Variants in RBFOX1 observed in about 807,000 individuals in gnomAD.
RBFOX1 encodes RNA binding protein fox-1 homolog 1.
RBFOX1 carries 8 observed loss-of-function variants against 57.7 expected under a neutral mutation model. The observed-to-expected ratio is 0.14, with a 90% CI of 0.08 to 0.25. The LOEUF (loss-of-function observed/expected upper bound fraction) is 0.25, where lower values mean the gene tolerates loss of function less well. RBFOX1 is among the 10% of genes least tolerant of loss of function. RBFOX1 has a pLI of 1.00. For missense variants in RBFOX1, 611 were observed against 548.5 expected (o/e 1.11, Z -1.14); for synonymous variants, 326 against 222.4 (o/e 1.47, Z -4.15).
At chr16:6,877,781 G>A (rs8057662) in intron 3 of RBFOX1, among the ~76,000 whole-genome samples, 40,188 of 151,704 alleles carry the variant, frequency 0.26, 5,522 homozygotes, top group African/African-American at 0.33. Context: ...TTGCTTTAAC[G>A]CATGCAGTTA....
chr16:6,549,125 G>A (rs71392481), intron 2 of RBFOX1, among the ~76,000 whole-genome samples: 1 of 74,390 alleles, frequency 1.3e-5, no homozygotes, highest in African/African-American at 5.9e-5. Flanking sequence ...AAGGAAGAGG[G>A]GAGGAAGGAG....
At chr16:7,245,878 C>A (rs895987325) in intron 4 of RBFOX1, among the ~76,000 whole-genome samples, 1 of 152,156 alleles carries the variant, frequency 6.6e-6, no homozygotes, top group African/African-American at 2.4e-5. Flanking sequence ...CTAATTTAAT[C>A]CCTACAGTCT....
chr16:6,361,996 A>T (rs1568019149), intron 2 of RBFOX1, among the ~76,000 whole-genome samples: 1 of 152,154 alleles, frequency 6.6e-6, no homozygotes, highest in Non-Finnish European at 1.5e-5. Context: ...TGAGAAGAAA[A>T]CAAGCAAAGC....
chr16:7,043,044 C>T (rs1044660319), intron 3 of RBFOX1, among the ~76,000 whole-genome samples: 1 of 146,040 alleles, frequency 6.8e-6, no homozygotes, highest in Admixed American at 6.9e-5. Context: ...TCCTCCACCC[C>T]CCACAATCTC....
At chr16:6,536,832 C>T (rs1049324945) in intron 2 of RBFOX1, among the ~76,000 whole-genome samples, 5 of 152,070 alleles carry the variant, frequency 3.3e-5, no homozygotes, top group Middle Eastern at 3.2e-3. Flanking sequence ...ATTCCTGTGG[C>T]TTATTTTACT....
chr16:7,287,832 T>A (rs1441309826), intron 4 of RBFOX1, among the ~76,000 whole-genome samples: 1 of 152,200 alleles, frequency 6.6e-6, no homozygotes, highest in Middle Eastern at 3.2e-3. Flanking sequence ...ACCCAATAAT[T>A]ATGGATTTGC....
At chr16:7,029,288 ATATATATATACG>A (rs1423545218) in intron 3 of RBFOX1, among the ~76,000 whole-genome samples, 2 of 141,174 alleles carry the variant, frequency 1.4e-5, no homozygotes, top group African/African-American at 5.2e-5. Context: ...ATATATACAC[ATATATATATACG>A]TATATGTATA....
At chr16:6,855,688 G>C (rs976438184) in intron 3 of RBFOX1, among the ~76,000 whole-genome samples, 1 of 151,764 alleles carries the variant, frequency 6.6e-6, no homozygotes, top group Non-Finnish European at 1.5e-5. Flanking sequence ...ACTCTGGAGA[G>C]TTATCTCAGC....
rs148529387 is a variant in RBFOX1, at chr16:7,562,322, C to T, written c.271-17455C>T. 2.6e-3 allele frequency among the ~76,000 whole-genome samples: 394 copies of T among 152,176 alleles called. 3 individuals are homozygous for T. Among genetic ancestry groups the T allele is most frequent in the African/African-American group, 9.1e-3 (377 of 41,522 alleles). ...GGTGAGAATGCATTAGGGTACCTGC[C>T]GCCTGTTCCCTGTAGTTCCTCTGGC... On this transcript the variant is annotated intron_variant, in intron 5 of 15. Coordinates refer to ENST00000550418, the MANE Select transcript of RBFOX1 (RefSeq NM_018723.4).
chr16:6,818,155 T>TGAG (rs2090510362), intron 3 of RBFOX1, among the ~76,000 whole-genome samples: 1 of 152,102 alleles, frequency 6.6e-6, no homozygotes, highest in Non-Finnish European at 1.5e-5. Context: ...TCTGGTAGAG[T>TGAG]ACCAGGCATA....
chr16:5,371,621 G>A (rs926530006), intron 1 of RBFOX1, among the ~76,000 whole-genome samples: 15 of 152,302 alleles, frequency 9.8e-5, no homozygotes, highest in South Asian at 2.1e-4. Context: ...GGTGTGAGCC[G>A]GTGATGTGTA....
At chr16:6,886,940 C>T (rs1032696675) in intron 3 of RBFOX1, among the ~76,000 whole-genome samples, 1 of 151,848 alleles carries the variant, frequency 6.6e-6, no homozygotes, top group Non-Finnish European at 1.5e-5. Flanking sequence ...AAAACCGTGT[C>T]TTTGTAATCA....
At chr16:5,503,497 C>T (rs750351427) in intron 2 of RBFOX1, among the ~76,000 whole-genome samples, 7 of 152,258 alleles carry the variant, frequency 4.6e-5, no homozygotes, top group South Asian at 2.1e-4. Flanking sequence ...AGTGCAGTGG[C>T]GCATGGCGCA....
chr16:7,366,539 C>G (rs1387468605), intron 4 of RBFOX1, among the ~76,000 whole-genome samples: 1 of 152,192 alleles, frequency 6.6e-6, no homozygotes, highest in African/African-American at 2.4e-5. Flanking sequence ...TCCTTCCTCC[C>G]TGGTCCAACC....
At chr16:6,498,939 A>C (rs1598304545) in intron 2 of RBFOX1, among the ~76,000 whole-genome samples, 1 of 152,160 alleles carries the variant, frequency 6.6e-6, no homozygotes, top group Admixed American at 6.5e-5. Flanking sequence ...TATGCCTTGG[A>C]GCCTTCTCCT....
chr16:7,014,317 A>G (rs887480604), intron 3 of RBFOX1, among the ~76,000 whole-genome samples: 25 of 152,012 alleles, frequency 1.6e-4, no homozygotes, highest in South Asian at 1.0e-3. Flanking sequence ...GGTTCAAGCA[A>G]TCCTCCCACG....
chr16:6,638,688 G>C (rs1170558575), intron 2 of RBFOX1, among the ~76,000 whole-genome samples: 2 of 152,084 alleles, frequency 1.3e-5, no homozygotes, highest in Non-Finnish European at 2.9e-5. Context: ...ATTTAATGTT[G>C]TCTTATTACG....
intron 1 of RBFOX1, chr16:6,057,224 T>C (rs1230121372): frequency 6.6e-6 from 1 of 152,188 alleles, no homozygotes; most frequent in Admixed American, 6.5e-5. Context: ...TGCTTAAATA[T>C]ATTGTCTGCC....
intron 2 of RBFOX1, among the ~76,000 whole-genome samples, chr16:6,326,620 C>T (rs566533011): frequency 2.0e-5 from 3 of 152,312 alleles, no homozygotes; most frequent in Admixed American, 1.3e-4. Context: ...GGGACAGACT[C>T]TCCCACCAAG....
Sources: gnomAD v4.1 joint callset for allele counts (sites outside exome capture counted in the v4.1 genomes callset) on GRCh38, gnomAD v4.1.1 for gene constraint, MANE v1.5 for transcripts, NCBI Gene and HGNC (gene_info 2026-07-23, HGNC 2026-07-21) for gene names.